The following SLC36A4 variants were observed in gnomAD, a reference collection of about 807,000 sequenced individuals.
SLC36A4 encodes neutral amino acid uniporter 4.
A neutral mutation model predicts 50.5 loss-of-function variants in SLC36A4; 49 were observed. The ratio of observed to expected loss-of-function variants is 0.97; its 90% CI spans 0.77 to 1.23. SLC36A4 has a LOEUF of 1.23. Among genes scored for constraint, SLC36A4 ranks in the 50% most tolerant of loss-of-function variants. The pLI is 0.00. For missense variants in SLC36A4, 611 were observed against 608.4 expected (o/e 1.00, Z -0.05); for synonymous variants, 207 against 206.5 (o/e 1.00, Z -0.02).
intron 2 of SLC36A4, chr11:93,185,119 G>C (rs10831004): frequency 0.63 from 96,482 of 152,122 alleles, 31,254 homozygotes; most frequent in East Asian, 0.81. Flanking sequence ...TCAGAAGCAT[G>C]TGAAGGAAGT....
chr11:93,163,566 G>A (rs55796776), intron 8 of SLC36A4, among the ~76,000 whole-genome samples: 6,014 of 152,182 alleles, frequency 0.04, 226 homozygotes, highest in African/African-American at 0.097. Context: ...CTCATCACAC[G>A]TTATTAACAT....
chr11:93,167,872 T>C, intron 7 of SLC36A4, 72 bp downstream of exon 7: 2 of 912,676 alleles, frequency 2.2e-6, no homozygotes, highest in South Asian at 3.3e-5. Context: ...TCATTACTTT[T>C]ACCTCCACAG....
At chr11:93,157,055 C>A (rs1333448077) in intron 9 of SLC36A4, among the ~76,000 whole-genome samples, 2 of 152,126 alleles carry the variant, frequency 1.3e-5, no homozygotes, top group African/African-American at 4.8e-5. Context: ...TTCAGTCTAT[C>A]CCATATGGCT....
At chr11:93,196,983 C>T (rs1416181952) in intron 1 of SLC36A4, among the ~76,000 whole-genome samples, 1 of 152,200 alleles carries the variant, frequency 6.6e-6, no homozygotes, top group East Asian at 1.9e-4. Context: ...AAAACAATTC[C>T]ATTGCAAAGT....
rs542707156 is a variant in SLC36A4 at position 93,164,181 on chromosome 11, G to A, written c.868-1306C>T. Among the ~76,000 whole-genome samples, 15 of 152,220 alleles carry A rather than the reference G, an allele frequency of 9.9e-5. No homozygotes were observed. The South Asian group carries it at 3.1e-3, about 32-fold the overall frequency. On this transcript the variant is annotated intron_variant, in intron 8 of 10. Coordinates refer to ENST00000326402, the MANE Select transcript of SLC36A4 (RefSeq NM_152313.4). ...AGCCTCTCTCAGGAGACAGAACTAG[G>A]AAGTATATGCATGTATACTAACCCA...
At chr11:93,179,935 G>T in intron 6 of SLC36A4, 1 of 273,780 alleles carries the variant, frequency 3.7e-6, no homozygotes, top group Non-Finnish European at 5.6e-6. Context: ...CCAATTCTCA[G>T]TGAAATGAAG....
intron 6 of SLC36A4, among the ~76,000 whole-genome samples, chr11:93,168,748 C>T (rs187738897): frequency 1.3e-5 from 2 of 152,090 alleles, no homozygotes. Flanking sequence ...TCATGCATGG[C>T]CATATGGTAG....
At chr11:93,170,376 G>A (rs997230883) in intron 6 of SLC36A4, among the ~76,000 whole-genome samples, 5 of 152,006 alleles carry the variant, frequency 3.3e-5, no homozygotes, top group African/African-American at 1.2e-4. Context: ...AAAGCCAAAT[G>A]CAGAATTAAA....
chr11:93,178,979 A>C (rs1861616981), intron 6 of SLC36A4, among the ~76,000 whole-genome samples: 1 of 152,254 alleles, frequency 6.6e-6, no homozygotes, highest in African/African-American at 2.4e-5. Flanking sequence ...ATAGGAAAAC[A>C]GCTGTGAAGT....
At chr11:93,197,228 A>G (rs1862466444) in intron 1 of SLC36A4, 1 of 153,930 alleles carries the variant, frequency 6.5e-6, no homozygotes, top group African/African-American at 2.4e-5. Flanking sequence ...GTAAACAAAC[A>G]CGCCCTGTCG....
chr11:93,156,119 ATTTC>A (rs1300820338), intron 9 of SLC36A4, among the ~76,000 whole-genome samples: 1 of 152,204 alleles, frequency 6.6e-6, no homozygotes, highest in Non-Finnish European at 1.5e-5. Context: ...ATCAAATGAC[ATTTC>A]TGTTTTAAGG....
At chr11:93,180,729 A>C in intron 6 of SLC36A4, 68 bp downstream of exon 6, 1 of 1,022,260 alleles carries the variant, frequency 9.8e-7, no homozygotes, top group South Asian at 1.4e-5. Context: ...GCTTCCACAG[A>C]AGATATATGA....
chr11:93,171,712 A>G (rs1406153862), intron 6 of SLC36A4: 2 of 152,092 alleles, frequency 1.3e-5, no homozygotes, highest in African/African-American at 4.8e-5. Context: ...CATAATTTCC[A>G]TCATATTATA....
Position 93,162,812 on chromosome 11 carries a change from TGC to T in SLC36A4, c.929_930del (p.Gly310AspfsTer21), listed in dbSNP as rs747434991. On this transcript the variant is annotated frameshift_variant, in exon 9 of 11. Transcript: ENST00000326402. LOFTEE classifies it high-confidence loss of function. ...ACATACAAAGTTGTAACAATCCCCATGCCAATATTCAACGCTTGAGGGAAACG... is the reference window on the plus strand; with the variant it reads ...ACATACAAAGTTGTAACAATCCCCATCAATATTCAACGCTTGAGGGAAACG... ...SKRFPQALNI[G>X]MGIVTTLYVT... is the part of the protein sequence containing the mutation. 2.5e-6 allele frequency: 4 copies of T among 1,613,870 alleles called. No homozygotes were observed. In the South Asian group the frequency reaches 4.4e-5, roughly 18 times the overall value.
In SLC36A4 at chr11:93,146,639, T is replaced by C. The variant is rs1487574204; in HGVS notation, c.*1898A>G. ...AAAAAATACTTGAACTAAGTTAACATTTACATATAAAAATAGAGAATATAT... is the reference window on the plus strand; with the variant it reads ...AAAAAATACTTGAACTAAGTTAACACTTACATATAAAAATAGAGAATATAT... On this transcript the variant is annotated 3_prime_UTR_variant, in exon 11 of 11. Transcript: ENST00000326402. The C allele has an allele frequency of 1.3e-5, 2 of 152,068 alleles. No individual in the cohort carries two copies. Among genetic ancestry groups the C allele is most frequent in the South Asian group, 2.1e-4 (1 of 4,830 alleles). 9.4% of individuals were successfully genotyped at this position (152,068 alleles called of 1,614,324 possible).
In SLC36A4 at chr11:93,144,533, G is replaced by A. The variant is rs1269353091; in HGVS notation, c.*4004C>T. 1.3e-5 allele frequency: 2 copies of A among 152,024 alleles called. No individual in the cohort carries two copies. The highest frequency in any genetic ancestry group is 6.6e-5 in the Admixed American group (1 of 15,236). 9.4% of individuals were successfully genotyped at this position (152,024 alleles called of 1,614,324 possible). ...TGCATATACTTGTGCACGCATGCAT[G>A]TAGGAACTAGCTAATTTTAATATGA... is the stretch of plus-strand genomic sequence containing the variant. On this transcript the variant is annotated 3_prime_UTR_variant, in exon 11 of 11. Transcript: ENST00000326402.
intron 3 of SLC36A4, 56 bp from the exon 4 acceptor site, chr11:93,182,950 T>C: frequency 8.0e-7 from 1 of 1,248,420 alleles, no homozygotes; most frequent in South Asian, 1.3e-5. Context: ...TGAGTAATCT[T>C]ATAAGCAATG....
intron 1 of SLC36A4, among the ~76,000 whole-genome samples, chr11:93,196,556 C>T (rs1363492603): frequency 6.6e-6 from 1 of 152,070 alleles, no homozygotes; most frequent in African/African-American, 2.4e-5. Flanking sequence ...TTAGTAGAGA[C>T]GGGGTTTCAC....
chr11:93,151,491 G>A (rs568505111), intron 10 of SLC36A4, among the ~76,000 whole-genome samples: 2 of 151,978 alleles, frequency 1.3e-5, no homozygotes, highest in East Asian at 3.9e-4. Context: ...ACAAAAATGT[G>A]GAAAATAACT....
Sources: gnomAD v4.1 joint callset for allele counts (sites outside exome capture counted in the v4.1 genomes callset) on GRCh38, gnomAD v4.1.1 for gene constraint, MANE v1.5 for transcripts, NCBI Gene and HGNC (gene_info 2026-07-23, HGNC 2026-07-21) for gene names.